The following MEGF6 variants were observed in gnomAD, a reference collection of about 807,000 sequenced individuals.
MEGF6 encodes multiple epidermal growth factor-like domains protein 6.
In MEGF6, 184 loss-of-function variants were observed where a neutral mutation model predicts 207.1. The observed-to-expected ratio is 0.89, with a 90% CI of 0.79 to 1.00. MEGF6 has a LOEUF of 1.00. MEGF6 is among the 50% of genes least tolerant of loss of function. The pLI is 0.00. For synonymous variants in MEGF6, 1,038 were observed against 910.0 expected (o/e 1.14, Z -2.53); for missense variants, 2,282 against 2,202.9 (o/e 1.04, Z -0.72).
chr1:3,511,761 C>G, intron 8 of MEGF6, 74 bp from the exon 9 acceptor site: 1 of 1,553,250 alleles, frequency 6.4e-7, no homozygotes, highest in Non-Finnish European at 8.7e-7. Flanking sequence ...TTACCCCTAC[C>G]TCCACCCAGC....
rs368879871 is a variant in MEGF6 at position 3,534,071 on chromosome 1, C to T, written c.482-9825G>A. On this transcript the variant is annotated intron_variant, in intron 4 of 36. Coordinates refer to ENST00000356575, the MANE Select transcript of MEGF6 (RefSeq NM_001409.4). ...GGAGGGAGGAGCCCAGGAGCCGCTGCGCGAGGCCCCAAGCAGGGAAGGTCA... is the reference window on the plus strand; with the variant it reads ...GGAGGGAGGAGCCCAGGAGCCGCTGTGCGAGGCCCCAAGCAGGGAAGGTCA... 1.1e-3 allele frequency among the ~76,000 whole-genome samples: 163 copies of T among 152,234 alleles called. 2 individuals carry two copies. The highest frequency in any genetic ancestry group is 3.6e-3 in the African/African-American group (151 of 41,536).
chr1:3,535,580 G>A (rs1642300857), intron 4 of MEGF6, among the ~76,000 whole-genome samples: 1 of 151,532 alleles, frequency 6.6e-6, no homozygotes, highest in African/African-American at 2.4e-5. Context: ...GCTGCCCCAT[G>A]CCCACCCGCC....
At chr1:3,589,027 G>T (rs1391832200) in intron 3 of MEGF6, among the ~76,000 whole-genome samples, 1 of 152,136 alleles carries the variant, frequency 6.6e-6, no homozygotes, top group East Asian at 1.9e-4. Flanking sequence ...TAGAAATGGG[G>T]TCTTTGCAGA....
chr1:3,529,544 C>G (rs1045572891), intron 4 of MEGF6, among the ~76,000 whole-genome samples: 1 of 152,220 alleles, frequency 6.6e-6, no homozygotes, highest in Non-Finnish European at 1.5e-5. Flanking sequence ...CTGCTGCCCT[C>G]GGCTAGATAC....
intron 4 of MEGF6, among the ~76,000 whole-genome samples, chr1:3,530,099 C>T (rs1251902227): frequency 6.6e-6 from 1 of 152,222 alleles, no homozygotes; most frequent in East Asian, 1.9e-4. Flanking sequence ...GCTTCGCAGT[C>T]GCAAGGCATT....
At chr1:3,583,502 G>C (rs112040123) in intron 3 of MEGF6, among the ~76,000 whole-genome samples, 1 of 12,444 alleles carries the variant, frequency 8.0e-5, no homozygotes, top group African/African-American at 2.3e-4. Context: ...ACCAGACAAC[G>C]CGCAGCCACC....
At position 3,594,244 on chromosome 1, in the gene MEGF6, C is replaced by A. The variant is rs901264011; in HGVS notation, c.376+1094G>T. Among the ~76,000 whole-genome samples the A allele has an allele frequency of 2.6e-5, 4 of 152,186 alleles. No individual in the cohort carries two copies. The highest frequency in any genetic ancestry group is 9.7e-5 in the African/African-American group (4 of 41,442). ...AGGAGCTCAAGACCAGCCTGGGCAA[C>A]ATGGTGAGACCCTGTCTCTACAAAA... is the stretch of plus-strand genomic sequence containing the variant. On this transcript the variant is annotated intron_variant, in intron 3 of 36. Transcript: ENST00000356575. The surrounding 1 kb of genome is among the most constrained non-coding windows in gnomAD (Gnocchi z 4.2).
intron 35 of MEGF6, 85 bp downstream of exon 35, chr1:3,492,554 T>C (rs2100822009): frequency 1.3e-6 from 2 of 1,570,192 alleles, no homozygotes; most frequent in East Asian, 2.3e-5. Context: ...CCGCAGTGGG[T>C]GAGAGAGGGA....
At chr1:3,616,624 G>A in the MEGF6 span, among the ~76,000 whole-genome samples, 3 of 152,186 alleles carry the variant, frequency 2.0e-5, no homozygotes, top group African/African-American at 4.8e-5. Flanking sequence ...GCAAAGGATC[G>A]CACCAGAAAC....
chr1:3,488,874 C>T lies in MEGF6; in HGVS notation c.*1654G>A, dbSNP rs186027761. 2.6e-5 allele frequency among the ~76,000 whole-genome samples: 4 copies of T among 152,120 alleles called. No individual in the cohort carries two copies. Among genetic ancestry groups the T allele is most frequent in the African/African-American group, 9.7e-5 (4 of 41,406 alleles). ...GATCATTCACCTTTAGATCTGAGAA[C>T]GTCTTGGTCGTCGTTGCTTCATGTC... On this transcript the variant is annotated 3_prime_UTR_variant, in exon 37 of 37. Transcript: ENST00000356575.
intron 26 of MEGF6, 23 bp from the exon 27 acceptor site, chr1:3,497,384 G>A: frequency 2.0e-6 from 3 of 1,513,384 alleles, no homozygotes; most frequent in Non-Finnish European, 2.6e-6. Flanking sequence ...GAGGGCTGCG[G>A]AGGCTTCTAG....
At chr1:3,568,864 G>A (rs75820626) in intron 4 of MEGF6, among the ~76,000 whole-genome samples, 1,886 of 152,264 alleles carry the variant, frequency 0.012, 42 homozygotes, top group African/African-American at 0.042. Context: ...CCTGCAGAGC[G>A]TGTTCACAGG....
At chr1:3,555,647 G>A (rs1448057984) in intron 4 of MEGF6, among the ~76,000 whole-genome samples, 1 of 152,202 alleles carries the variant, frequency 6.6e-6, no homozygotes, top group Admixed American at 6.5e-5. Context: ...ACCCGTCAGT[G>A]AAACAGCAGG....
Position 3,509,817 on chromosome 1 carries a change from G to C in MEGF6, c.1357+53C>G, listed in dbSNP as rs1033701460. On this transcript the variant is annotated intron_variant, in intron 11 of 36. Transcript: ENST00000356575. ...GGCCTGCGGGACGCAGGGTCAGCTG[G>C]GGCAAACTCGAGAAGGCAGAGGCCG... The C allele has an allele frequency of 3.3e-6, 5 of 1,500,702 alleles. No individual in the cohort carries two copies. The Admixed American group carries it at 1.2e-4, about 35-fold the overall frequency. 93.0% of individuals were successfully genotyped at this position (1,500,702 alleles called of 1,614,324 possible).
intron 17 of MEGF6, 94 bp downstream of exon 17, chr1:3,505,114 G>A (rs1641052724): frequency 4.6e-6 from 7 of 1,506,474 alleles, no homozygotes; most frequent in Non-Finnish European, 5.4e-6. Context: ...GATAGTGACA[G>A]CTGTGCAGCC....
Position 3,573,806 on chromosome 1 carries a change from G to T in MEGF6, c.481+6019C>A, listed in dbSNP as rs1643574150. On this transcript the variant is annotated intron_variant, in intron 4 of 36. Transcript: ENST00000356575. This position sits in a 1 kb window ranked among gnomAD's most constrained non-coding sequence, Gnocchi z 5.1. ...TGGGTGGCGTCTGGAGCTCGGGCGA[G>T]GGGTCAGACTCCCACCCTCAGACAC... 6.6e-6 allele frequency among the ~76,000 whole-genome samples: 1 copy of T among 152,192 alleles called. No homozygotes were observed. Among genetic ancestry groups the T allele is most frequent in the East Asian group, 1.9e-4 (1 of 5,184 alleles).
At chr1:3,574,304 C>T (rs1019487026) in intron 4 of MEGF6, among the ~76,000 whole-genome samples, 4 of 151,992 alleles carry the variant, frequency 2.6e-5, no homozygotes, top group African/African-American at 4.8e-5. Flanking sequence ...CCTTCATTCC[C>T]GACCCCGTAC....
At chr1:3,493,380 C>T in intron 34 of MEGF6, 1 of 279,148 alleles carries the variant, frequency 3.6e-6, no homozygotes, top group Non-Finnish European at 6.9e-6. Flanking sequence ...GTGGGTCCCT[C>T]CTATCCTCAG....
intron 4 of MEGF6, among the ~76,000 whole-genome samples, chr1:3,552,804 AC>A (rs1360724608): frequency 1.3e-5 from 2 of 151,434 alleles, no homozygotes; most frequent in East Asian, 3.9e-4. Flanking sequence ...CCGGGCCCAG[AC>A]CCCCCACTTT....
Sources: allele counts gnomAD v4.1 joint callset (sites outside exome capture counted in the v4.1 genomes callset), GRCh38; gene constraint gnomAD v4.1.1; non-coding constraint Gnocchi (gnomAD v3.1); transcripts MANE v1.5; gene names NCBI Gene and HGNC (gene_info 2026-07-23, HGNC 2026-07-21).